The following CFAP161 variants were observed in gnomAD, a reference collection of about 807,000 sequenced individuals.
The protein encoded by CFAP161 is cilia and flagella associated protein 161.
In CFAP161, 25 loss-of-function variants were observed where a neutral mutation model predicts 29.0. The observed-to-expected ratio is 0.86, with a 90% confidence interval of 0.63 to 1.20. The LOEUF (loss-of-function observed/expected upper bound fraction) is 1.20. Ranked by LOEUF, CFAP161 falls within the 50% of genes most tolerant of loss-of-function variation. The pLI is 0.00. For missense variants in CFAP161, 367 were observed against 371.9 expected (o/e 0.99, Z 0.11); for synonymous variants, 116 against 137.4 (o/e 0.84, Z 1.09).
At chr15:81,142,347 G>A (rs899279793) in intron 4 of CFAP161, among the ~76,000 whole-genome samples, 1 of 151,574 alleles carries the variant, frequency 6.6e-6, no homozygotes, top group South Asian at 2.1e-4. Context: ...ACAAGCACAG[G>A]TCTGGTCACC....
At chr15:81,140,444 C>G (rs1213006503) in intron 4 of CFAP161, among the ~76,000 whole-genome samples, 1 of 152,130 alleles carries the variant, frequency 6.6e-6, no homozygotes, top group Admixed American at 6.6e-5. Flanking sequence ...ATGATTATTC[C>G]TTTCTCTACA....
At chr15:81,132,225 C>T (rs940093579), upstream of CFAP161, among the ~76,000 whole-genome samples, 64 of 152,034 alleles carry the variant, frequency 4.2e-4, no homozygotes, top group African/African-American at 1.4e-3. Context: ...TGCAGTGAGC[C>T]GAGATTGTGC....
At chr15:81,103,289 T>C (rs1894324344) in intron 1 of CFAP161, among the ~76,000 whole-genome samples, 1 of 152,216 alleles carries the variant, frequency 6.6e-6, no homozygotes, top group Admixed American at 6.5e-5. Context: ...TTACAGGCTT[T>C]TGTTATAATG....
intron 2 of CFAP161, 102 bp from the exon 3 acceptor site, chr15:81,136,414 C>G: frequency 9.8e-7 from 1 of 1,018,952 alleles, no homozygotes; most frequent in Non-Finnish European, 1.5e-6. Flanking sequence ...AAGTGAAATC[C>G]TGAATGAAAT....
intron 1 of CFAP161, among the ~76,000 whole-genome samples, chr15:81,125,156 T>A (rs1003456073): frequency 1.3e-5 from 2 of 151,972 alleles, no homozygotes; most frequent in Non-Finnish European, 2.9e-5. Flanking sequence ...TTTATTTGAT[T>A]TACATTTACT....
intron 1 of CFAP161, chr15:81,118,188 A>C: frequency 2.1e-6 from 1 of 472,662 alleles, no homozygotes; most frequent in Non-Finnish European, 3.9e-6. Flanking sequence ...CACTGAGTAC[A>C]AATTTTTTCA....
At chr15:81,121,734 G>T (rs1894576081) in intron 1 of CFAP161, among the ~76,000 whole-genome samples, 1 of 152,056 alleles carries the variant, frequency 6.6e-6, no homozygotes, top group Non-Finnish European at 1.5e-5. Flanking sequence ...AAGTTCAGGG[G>T]TACATGTGCG....
At position 81,143,794 on chromosome 15, in the gene CFAP161, C is replaced by A; in HGVS notation, c.610C>A (p.Leu204Met). The change falls in exon 5 of 7, where the codon CTG becomes ATG. Residue 204 changes from leucine (L) to methionine (M), a missense_variant. By Grantham distance (15) the Leu-to-Met change is conservative. Transcript: ENST00000286732. ...TGCCTTCCCTGACCCCCAGTTACGCCTGGAATATGAAGGCTTCCCCGTCCC... is the reference window on the plus strand; with the variant it reads ...TGCCTTCCCTGACCCCCAGTTACGCATGGAATATGAAGGCTTCCCCGTCCC... Reference protein sequence around the residue: ...QAAFPDPQLRLEYEGFPVPAN... With the variant: ...QAAFPDPQLRMEYEGFPVPAN... 4 of 1,614,142 alleles carry A rather than the reference C, an allele frequency of 2.5e-6. No individual in the cohort carries two copies. Among genetic ancestry groups the A allele is most frequent in the Non-Finnish European group, 3.4e-6 (4 of 1,180,012 alleles).
chr15:81,134,166 C>T (rs1194848794), upstream of CFAP161: 1 of 724,802 alleles, frequency 1.4e-6, no homozygotes, highest in Admixed American at 2.9e-5. Context: ...AGCCGCTGAC[C>T]CAGACGCCCC....
At chr15:81,117,001 C>A (rs920330694) in intron 1 of CFAP161, among the ~76,000 whole-genome samples, 1 of 152,044 alleles carries the variant, frequency 6.6e-6, no homozygotes, top group African/African-American at 2.4e-5. Flanking sequence ...TATTAAAAAA[C>A]CTTTTGGGGC....
At chr15:81,122,117 G>T (rs1053596077) in intron 1 of CFAP161, among the ~76,000 whole-genome samples, 60 of 152,094 alleles carry the variant, frequency 3.9e-4, no homozygotes, top group African/African-American at 1.4e-3. Context: ...GTCTATCATT[G>T]TTGGGCACTT....
intron 1 of CFAP161, among the ~76,000 whole-genome samples, chr15:81,110,443 A>T (rs1894426107): frequency 6.6e-6 from 1 of 152,038 alleles, no homozygotes; most frequent in East Asian, 1.9e-4. Context: ...CCTCCCCAGG[A>T]TATCTGTGAA....
intron 1 of CFAP161, among the ~76,000 whole-genome samples, chr15:81,125,750 G>A (rs1567154461): frequency 6.6e-6 from 1 of 152,090 alleles, no homozygotes; most frequent in Non-Finnish European, 1.5e-5. Flanking sequence ...CATGATAAAT[G>A]TACATATCCG....
chr15:81,118,565 C>T (rs894707204), intron 1 of CFAP161, among the ~76,000 whole-genome samples: 8 of 152,332 alleles, frequency 5.3e-5, no homozygotes, highest in African/African-American at 9.6e-5. Flanking sequence ...CCTGGCCCCG[C>T]GCTAGTCCGC....
chr15:81,143,821 G>A lies in CFAP161; in HGVS notation c.636+1G>A, dbSNP rs372365773. 1.9e-6 allele frequency: 3 copies of A among 1,613,698 alleles called. No homozygotes were observed. The highest frequency in any genetic ancestry group is 2.7e-5 in the African/African-American group (2 of 74,920). On this transcript the variant is annotated splice_donor_variant, in intron 5 of 6. Coordinates refer to ENST00000286732, the MANE Select transcript of CFAP161 (RefSeq NM_173528.4). LOFTEE classifies it high-confidence loss of function. ...GGAATATGAAGGCTTCCCCGTCCCG[G>A]TGAGTGCAGCATCGGGAAGACATGG...
rs140305149 is a variant in CFAP161, at chr15:81,139,817, T to C, written c.477+1682T>C. On this transcript the variant is annotated intron_variant, in intron 4 of 6. Transcript: ENST00000286732. ...GAACACATTTAAAAGTATTGATACA[T>C]ATAAAGAGTTCTTTTTGTAATGGGG... 9.8e-3 allele frequency among the ~76,000 whole-genome samples: 1,500 copies of C among 152,290 alleles called. 21 individuals are homozygous for C. Among genetic ancestry groups the C allele is most frequent in the Non-Finnish European group, 0.011 (749 of 68,012 alleles).
chr15:81,148,330 T>G lies in CFAP161; in HGVS notation c.711-8T>G. On this transcript the variant is annotated splice_region_variant and splice_polypyrimidine_tract_variant and intron_variant, in intron 6 of 6. Transcript: ENST00000286732. ...TTTCAAACCACAACTGATTCTCTCT[T>G]GCTCCAGCACCTATTTTGGAAAGGA... The G allele has an allele frequency of 6.2e-7, 1 of 1,603,546 alleles. No homozygotes were observed. Among genetic ancestry groups the G allele is most frequent in the Non-Finnish European group, 8.5e-7 (1 of 1,171,304 alleles).
At chr15:81,139,122 C>T (rs527743369) in intron 4 of CFAP161, among the ~76,000 whole-genome samples, 7 of 151,986 alleles carry the variant, frequency 4.6e-5, no homozygotes, top group South Asian at 4.2e-4. Flanking sequence ...GGCAACATAG[C>T]GAGACCTCAT....
intron 2 of CFAP161, 50 bp downstream of exon 2, chr15:81,135,409 C>T (rs1894793185): frequency 1.5e-6 from 2 of 1,297,446 alleles, no homozygotes; most frequent in Admixed American, 2.3e-5. Context: ...TACATGTGCA[C>T]AACGTGCAGG....
Sources: allele counts gnomAD v4.1 joint callset (sites outside exome capture counted in the v4.1 genomes callset), GRCh38; gene constraint gnomAD v4.1.1; transcripts MANE v1.5; gene names NCBI Gene and HGNC (gene_info 2026-07-23, HGNC 2026-07-21).